The following PRPF19 variants were observed in gnomAD, a reference collection of about 807,000 sequenced individuals.
The protein encoded by PRPF19 is pre-mRNA-processing factor 19.
A neutral mutation model predicts 64.2 loss-of-function variants in PRPF19; 2 were observed. That is an observed-to-expected ratio of 0.03 (90% CI 0.01 to 0.10). The LOEUF (loss-of-function observed/expected upper bound fraction) is 0.10. PRPF19 is among the 10% of genes least tolerant of loss of function. The pLI is 1.00. For missense variants in PRPF19, 314 were observed against 650.0 expected (o/e 0.48, Z 5.62); for synonymous variants, 226 against 251.6 (o/e 0.90, Z 0.96).
At chr11:60,901,815 T>C (rs901398734) in intron 6 of PRPF19, among the ~76,000 whole-genome samples, 1 of 152,238 alleles carries the variant, frequency 6.6e-6, no homozygotes, top group Non-Finnish European at 1.5e-5. Flanking sequence ...AGAGCAAGAA[T>C]AGAAGCTAGG....
At chr11:60,893,377 G>A (rs1365203305) in intron 15 of PRPF19, among the ~76,000 whole-genome samples, 2 of 151,816 alleles carry the variant, frequency 1.3e-5, no homozygotes, top group Non-Finnish European at 2.9e-5. Context: ...GGTGGCACAC[G>A]CCTGAAGTCC....
Position 60,898,646 on chromosome 11 carries a change from G to T in PRPF19, c.1055-20C>A. On this transcript the variant is annotated intron_variant, in intron 12 of 15. Coordinates refer to ENST00000227524, the MANE Select transcript of PRPF19 (RefSeq NM_014502.5). The surrounding 1 kb of genome is among the most constrained non-coding windows in gnomAD (Gnocchi z 4.6). ...TGAGAGCTGTGGAGGAGGGAAGAGA[G>T]ACCTGTGGTCAGAGCCCACCAGGGA... The T allele has an allele frequency of 6.2e-7, 1 of 1,613,972 alleles. No homozygotes were observed. Among genetic ancestry groups the T allele is most frequent in the South Asian group, 1.1e-5 (1 of 90,984 alleles).
chr11:60,899,178 C>T lies in PRPF19; in HGVS notation c.955G>A (p.Asp319Asn), dbSNP rs578249932. ...VTGLSLHATG[D>N]YLLSSSDDQY... is the part of the protein sequence containing the mutation. ...TCATCGGAGGAGCTCAGGAGATAGT[C>T]GCCAGTGGCATGAAGGCTGAGGCCT... The change falls in exon 11 of 16, where the codon GAC becomes AAC. Residue 319 changes from aspartate to asparagine, a missense_variant. This residue lies in a region of PRPF19 where 175 missense variants were observed against 342.9 expected (regional missense o/e 0.51). Transcript: ENST00000227524. 2 of 1,613,444 alleles carry T rather than the reference C, an allele frequency of 1.2e-6. No individual in the cohort carries two copies. The highest frequency in any genetic ancestry group is 2.2e-5 in the South Asian group (2 of 90,948).
Position 60,898,389 on chromosome 11 carries a change from G to A in PRPF19, c.1141-118C>T, listed in dbSNP as rs1855944653. On this transcript the variant is annotated intron_variant, in intron 13 of 15. Coordinates refer to ENST00000227524, the MANE Select transcript of PRPF19 (RefSeq NM_014502.5). This position sits in a 1 kb window ranked among gnomAD's most constrained non-coding sequence, Gnocchi z 4.6. ...CGTCCTTCCAGGAAGGACAGCCAGC[G>A]GGACCCCCCAGACCACACCATCATA... 15 of 1,512,272 alleles carry A rather than the reference G, an allele frequency of 9.9e-6. No individual in the cohort carries two copies. The highest frequency in any genetic ancestry group is 2.5e-5 in the South Asian group (2 of 78,648). The allele number at this position is 1,512,272 out of a possible 1,614,324, so 93.7% of individuals were successfully genotyped here. A position where few individuals can be genotyped will look rare whatever the true frequency, so the allele number is the denominator to read the frequency against.
chr11:60,899,254 G>C lies in PRPF19; in HGVS notation c.879C>G (p.Val293=). The C allele has an allele frequency of 6.2e-7, 1 of 1,613,636 alleles. No individual in the cohort carries two copies. The highest frequency in any genetic ancestry group is 8.5e-7 in the Non-Finnish European group (1 of 1,179,516). ...CCACCTGTACACAAGAGGCATTGGGGACCGACCAAATCCTGATAGTGGCAT... is the reference window on the plus strand; with the variant it reads ...CCACCTGTACACAAGAGGCATTGGGCACCGACCAAATCCTGATAGTGGCAT... The part of the protein sequence containing the change: ...SPDATIRIWS[V]PNASCVQVVR... The change falls in exon 11 of 16, where the codon GTC becomes GTG. Residue 293 remains valine (V), a synonymous_variant. Transcript: ENST00000227524.
At chr11:60,891,415 G>T in intron 15 of PRPF19, 152 bp from the exon 16 acceptor site, 1 of 620,706 alleles carries the variant, frequency 1.6e-6, no homozygotes, top group Non-Finnish European at 2.9e-6. Flanking sequence ...AGGCTGACCT[G>T]CACACTACCC....
chr11:60,900,545 G>C (rs919781715), intron 10 of PRPF19, 37 bp downstream of exon 10: 3 of 1,467,754 alleles, frequency 2.0e-6, no homozygotes, highest in Non-Finnish European at 2.8e-6. Context: ...AACAGCCAAG[G>C]AAAGAAGAAC....
At position 60,896,552 on chromosome 11, in the gene PRPF19, G is replaced by A. The variant is rs1855922500; in HGVS notation, c.1417+1294C>T. On this transcript the variant is annotated intron_variant, in intron 15 of 15. Transcript: ENST00000227524. The stretch of plus-strand genomic sequence containing the variant: ...TTCTCACGAGATCTGATGGTTTTAT[G>A]AGGGGCTTTAGCCCCTTTGCTCAGC... 3.3e-5 allele frequency among the ~76,000 whole-genome samples: 5 copies of A among 152,214 alleles called. No individual in the cohort carries two copies. In the South Asian group the frequency reaches 8.3e-4, roughly 25 times the overall value.
intron 6 of PRPF19, 25 bp from the exon 7 acceptor site, chr11:60,901,565 A>G (rs1216992957): frequency 6.2e-7 from 1 of 1,613,578 alleles, no homozygotes; most frequent in African/African-American, 1.3e-5. Flanking sequence ...GCTCAATGTG[A>G]GACAAATCAT....
intron 8 of PRPF19, among the ~76,000 whole-genome samples, 167 bp downstream of exon 8, chr11:60,901,128 C>G (rs1855979975): frequency 6.6e-6 from 1 of 152,168 alleles, no homozygotes; most frequent in Non-Finnish European, 1.5e-5. Context: ...CACAGCTGGG[C>G]AGAAAGAGGA....
At chr11:60,893,385 TC>T (rs1240795666) in intron 15 of PRPF19, among the ~76,000 whole-genome samples, 7 of 151,592 alleles carry the variant, frequency 4.6e-5, no homozygotes, top group African/African-American at 1.7e-4. Flanking sequence ...ACGCCTGAAG[TC>T]CCAGCTACTC....
Position 60,903,445 on chromosome 11 carries a change from T to C in PRPF19, c.246+14A>G. On this transcript the variant is annotated intron_variant, in intron 3 of 15. Transcript: ENST00000227524. ...TCAAGTGGGGAAGATGCTGATTCTC[T>C]TGCAGGAACTCACCCACTCATCCTG... The C allele has an allele frequency of 6.2e-7, 1 of 1,608,728 alleles. No homozygotes were observed. The highest frequency in any genetic ancestry group is 8.5e-7 in the Non-Finnish European group (1 of 1,176,516).
intron 1 of PRPF19, 82 bp from the exon 2 acceptor site, chr11:60,903,943 C>A: frequency 6.0e-6 from 9 of 1,503,528 alleles, no homozygotes; most frequent in Middle Eastern, 3.5e-4. Flanking sequence ...TTAGCCCCAA[C>A]AAGACTAGGC....
intron 15 of PRPF19, among the ~76,000 whole-genome samples, chr11:60,896,287 G>C (rs1166061664): frequency 6.6e-6 from 1 of 152,196 alleles, no homozygotes; most frequent in Non-Finnish European, 1.5e-5. Flanking sequence ...CGAGAAGAAG[G>C]CATTATCATC....
intron 10 of PRPF19, 40 bp from the exon 11 acceptor site, chr11:60,899,344 G>A (rs754653252): frequency 6.3e-7 from 1 of 1,574,938 alleles, no homozygotes; most frequent in Non-Finnish European, 8.7e-7. Flanking sequence ...AGTCAGAAAA[G>A]AGATACAGAC....
In PRPF19 at chr11:60,900,784, G is replaced by A. The variant is rs551923225; in HGVS notation, c.718+70C>T. ...CTTTTGTTCCCATGCCCATGAAGAG[G>A]ACAAGGAGCATGCGCCTTCCCTGCT... On this transcript the variant is annotated intron_variant, in intron 9 of 15. Coordinates refer to ENST00000227524, the MANE Select transcript of PRPF19 (RefSeq NM_014502.5). The A allele has an allele frequency of 2.4e-5, 38 of 1,597,908 alleles. No individual in the cohort carries two copies. The South Asian group carries it at 4.0e-4, about 17-fold the overall frequency.
intron 9 of PRPF19, 40 bp from the exon 10 acceptor site, chr11:60,900,731 C>G: frequency 6.4e-7 from 1 of 1,560,710 alleles, no homozygotes; most frequent in Non-Finnish European, 8.7e-7. Context: ...GAGTCAGGCC[C>G]ACCCAGGCCC....
At chr11:60,892,925 C>T (rs569377542) in intron 15 of PRPF19, among the ~76,000 whole-genome samples, 2 of 152,164 alleles carry the variant, frequency 1.3e-5, no homozygotes, top group South Asian at 4.1e-4. Flanking sequence ...TGCACTTCCT[C>T]CCCATCCCCC....
At chr11:60,895,986 A>G (rs1855915552) in intron 15 of PRPF19, among the ~76,000 whole-genome samples, 1 of 152,206 alleles carries the variant, frequency 6.6e-6, no homozygotes. Flanking sequence ...TAACGGACAC[A>G]ATAAATCATG....
Sources: allele counts gnomAD v4.1 joint callset (sites outside exome capture counted in the v4.1 genomes callset), GRCh38; gene constraint gnomAD v4.1.1; regional missense constraint gnomAD v4.1.1; non-coding constraint Gnocchi (gnomAD v3.1); transcripts MANE v1.5; gene names NCBI Gene and HGNC (gene_info 2026-07-23, HGNC 2026-07-21).